Variants in FUZ observed in about 807,000 individuals in gnomAD.
FUZ encodes fuzzy planar cell polarity protein.
Under a neutral mutation model 43.1 loss-of-function variants are expected in FUZ, and 31 were observed. The observed-to-expected ratio is 0.72, with a 90% CI of 0.54 to 0.97. FUZ has a LOEUF of 0.97. FUZ is among the 50% of genes least tolerant of loss of function. The pLI, the probability that FUZ is intolerant of heterozygous loss-of-function variation, is 0.00. For missense variants in FUZ, 539 were observed against 543.8 expected (o/e 0.99, Z 0.09); for synonymous variants, 274 against 250.0 (o/e 1.10, Z -0.91).
intron 5 of FUZ, among the ~76,000 whole-genome samples, chr19:49,810,540 G>A (rs1232041883): frequency 2.0e-5 from 3 of 152,028 alleles, no homozygotes; most frequent in South Asian, 2.1e-4. Flanking sequence ...TGGGCCAGGC[G>A]TGGTGACCAG....
At chr19:49,811,176 AAAAAG>A (rs765191005) in intron 5 of FUZ, 182 bp downstream of exon 5, 14 of 669,494 alleles carry the variant, frequency 2.1e-5, no homozygotes, top group East Asian at 1.1e-4. Context: ...AAAGAAAAGA[AAAAAG>A]AAAAGAAAGA....
chr19:49,808,166 A>C, intron 10 of FUZ: 1 of 577,830 alleles, frequency 1.7e-6, no homozygotes. Context: ...GGCACTGGGA[A>C]GAGGTGAGGT....
In FUZ at chr19:49,807,042, G is replaced by GGA. The variant is rs756362543; in HGVS notation, c.*108_*109insTC. The GGA allele has an allele frequency of 2.0e-4, 148 of 755,200 alleles. No individual in the cohort carries two copies. The highest frequency in any genetic ancestry group is 2.5e-4 in the Non-Finnish European group (131 of 526,530). 46.8% of individuals were successfully genotyped at this position (755,200 alleles called of 1,614,324 possible). ...TCCTCCCCTCCCACCCCACCCTGTT[G>GGA]TAGCCCCTCCTACCCCCTCCCCATC... On this transcript the variant is annotated 3_prime_UTR_variant, in exon 11 of 11. Transcript: ENST00000313777.
chr19:49,808,538 C>T (rs1301787582), intron 9 of FUZ, 36 bp downstream of exon 9: 4 of 1,553,556 alleles, frequency 2.6e-6, no homozygotes, highest in African/African-American at 2.7e-5. Context: ...GGCCCACGCC[C>T]CTCCTACCCC....
At position 49,812,270 on chromosome 19, in the gene FUZ, T is replaced by A; in HGVS notation, c.299A>T (p.Gln100Leu). Residue 100 changes from glutamine to leucine, a missense_variant, in exon 3 of 11, where the codon CAA (glutamine) becomes CTA (leucine). Physicochemically the swap from Gln to Leu is moderately radical, Grantham distance 113 (BLOSUM62 -2). Transcript: ENST00000313777. ...ISELRLERLLQMVFGAMVLLV... is the reference protein window; with the variant it reads ...ISELRLERLLLMVFGAMVLLV... ...TCTCACCATGGCTCCAAACACCATT[T>A]GGAGTAGTCTCTCCAGCCTCAGCTC... 6.2e-7 allele frequency: 1 copy of A among 1,613,786 alleles called. No individual in the cohort carries two copies. Among genetic ancestry groups the A allele is most frequent in the Admixed American group, 1.7e-5 (1 of 60,004 alleles).
rs762129315 is a variant in FUZ, at chr19:49,813,049, C to G, written c.58G>C (p.Gly20Arg). 4 of 1,551,282 alleles carry G rather than the reference C, an allele frequency of 2.6e-6. No individual in the cohort carries two copies. In the South Asian group the frequency reaches 4.8e-5, roughly 18 times the overall value. ...VHLLCLAASS[G>R]VPLFCRSSRG... is the part of the protein sequence containing the mutation. Reference sequence around the variant, plus strand: ...CTGCTCCTGCAGAATAGGGGGACCCCGCTGGAGGCCGCGAGGCACAGCAGA... The same window carrying G: ...CTGCTCCTGCAGAATAGGGGGACCCGGCTGGAGGCCGCGAGGCACAGCAGA... Residue 20 changes from glycine to arginine, a missense_variant, in exon 1 of 11, where the codon GGG becomes CGG. Gly to Arg is a moderately radical substitution (Grantham distance 125). Transcript: ENST00000313777.
intron 1 of FUZ, 120 bp from the exon 2 acceptor site, chr19:49,812,856 G>A (rs2073857698): frequency 1.4e-6 from 2 of 1,435,432 alleles, no homozygotes; most frequent in African/African-American, 1.4e-5. Context: ...TGCCTCTTTG[G>A]GGAACCAGGC....
chr19:49,810,955 G>A, intron 5 of FUZ: 1 of 345,856 alleles, frequency 2.9e-6, no homozygotes, highest in South Asian at 2.3e-5. Flanking sequence ...TTCGAGACCA[G>A]CTTGGCCAAC....
chr19:49,813,265 C>T lies in FUZ; in HGVS notation c.-159G>A. Reference sequence around the variant, plus strand: ...AACTTCCCGCCTTCTTCACCCAACTCAAACAGACCCTCAAACCCTATTCAG... The same window carrying T: ...AACTTCCCGCCTTCTTCACCCAACTTAAACAGACCCTCAAACCCTATTCAG... On this transcript the variant is annotated 5_prime_UTR_variant, in exon 1 of 11. Transcript: ENST00000313777. 1.4e-6 allele frequency: 1 copy of T among 733,844 alleles called. No individual in the cohort carries two copies. The highest frequency in any genetic ancestry group is 2.4e-6 in the Non-Finnish European group (1 of 412,188). 45.5% of individuals were successfully genotyped at this position (733,844 alleles called of 1,614,324 possible).
rs1568612133 is a variant in FUZ, at chr19:49,813,118, A to T, written c.-12T>A. The T allele has an allele frequency of 6.5e-7, 1 of 1,547,762 alleles. No individual in the cohort carries two copies. The highest frequency in any genetic ancestry group is 1.2e-5 in the South Asian group (1 of 83,976). On this transcript the variant is annotated 5_prime_UTR_variant, in exon 1 of 11. Coordinates refer to ENST00000313777, the MANE Select transcript of FUZ (RefSeq NM_025129.5). The stretch of plus-strand genomic sequence containing the variant: ...CCCTCCTCCCCCATTTAGGACTCCC[A>T]CCGCGGTCCCTCACGTGGGGACTGT...
At chr19:49,808,540 T>TCCTACC (rs919575559) in intron 9 of FUZ, 34 bp downstream of exon 9, 3 of 1,505,760 alleles carry the variant, frequency 2.0e-6, no homozygotes, top group African/African-American at 1.4e-5. Flanking sequence ...CCCACGCCCC[T>TCCTACC]CCTACCCCTG....
chr19:49,812,021 T>A (rs1302791854), intron 3 of FUZ, among the ~76,000 whole-genome samples: 3 of 152,148 alleles, frequency 2.0e-5, no homozygotes, highest in Non-Finnish European at 2.9e-5. Flanking sequence ...GGCACGAGAA[T>A]CGCTTGAACC....
rs781092276 is a variant in FUZ, at chr19:49,811,369, G to A, written c.486C>T (p.Leu162=). 20 of 1,605,068 alleles carry A rather than the reference G, an allele frequency of 1.2e-5. No homozygotes were observed. The highest frequency in any genetic ancestry group is 1.6e-4 in the Middle Eastern group (1 of 6,072). ...TCCATAGCATCCCCAGTACCTGCAAGAGGGACCCCTCTGGAGGAATCACGC... is the reference window on the plus strand; with the variant it reads ...TCCATAGCATCCCCAGTACCTGCAAAAGGGACCCCTCTGGAGGAATCACGC... ...VDCVIPPEGS[L]LQEALSGFAE... Residue 162 remains leucine (L), a synonymous_variant, in exon 5 of 11, where the codon CTC becomes CTT. Coordinates refer to ENST00000313777, the MANE Select transcript of FUZ (RefSeq NM_025129.5).
At position 49,812,991 on chromosome 19, in the gene FUZ, C is replaced by A; in HGVS notation, c.111+5G>T. 6.5e-7 allele frequency: 1 copy of A among 1,550,252 alleles called. No individual in the cohort carries two copies. The highest frequency in any genetic ancestry group is 8.7e-7 in the Non-Finnish European group (1 of 1,146,260). On this transcript the variant is annotated splice_donor_5th_base_variant and intron_variant, in intron 1 of 10. Transcript: ENST00000313777. ...CGGTTTAGATACAGGCGTCCAAGGCCCCACCTGCTGACGGGCGGGGGCGCC... is the reference window on the plus strand; with the variant it reads ...CGGTTTAGATACAGGCGTCCAAGGCACCACCTGCTGACGGGCGGGGGCGCC...
intron 3 of FUZ, 25 bp downstream of exon 3, chr19:49,812,226 A>G (rs1324353669): frequency 6.4e-7 from 1 of 1,560,266 alleles, no homozygotes; most frequent in East Asian, 2.2e-5. Flanking sequence ...TGGTCTGGGG[A>G]GAAAAGAGGA....
intron 1 of FUZ, 61 bp from the exon 2 acceptor site, chr19:49,812,797 C>T: frequency 6.3e-7 from 1 of 1,596,480 alleles, no homozygotes; most frequent in Non-Finnish European, 8.5e-7. Context: ...CCCTTAGGAC[C>T]CAAGTGTGCC....
Position 49,809,029 on chromosome 19 carries a change from A to C in FUZ, c.786+134T>G. On this transcript the variant is annotated intron_variant, in intron 7 of 10. Coordinates refer to ENST00000313777, the MANE Select transcript of FUZ (RefSeq NM_025129.5). The surrounding 1 kb of genome is among the most constrained non-coding windows in gnomAD (Gnocchi z 5.1). ...GCGGGAGCGGCCGATCTTGGCGGGT[A>C]GGTGAATGACTGGAGCGCAGTCCAG... 1.0e-6 allele frequency: 1 copy of C among 957,032 alleles called. No homozygotes were observed. Among genetic ancestry groups the C allele is most frequent in the Non-Finnish European group, 1.6e-6 (1 of 613,350 alleles). The allele number at this position is 957,032 out of a possible 1,614,324, so 59.3% of individuals were successfully genotyped here. A position where few individuals can be genotyped will look rare whatever the true frequency, so the allele number is the denominator to read the frequency against.
Position 49,809,687 on chromosome 19 carries a change from C to T in FUZ, c.493-112G>A, listed in dbSNP as rs866674249. 39 of 1,093,274 alleles carry T rather than the reference C, an allele frequency of 3.6e-5. No homozygotes were observed. In the Middle Eastern group the frequency reaches 2.3e-3, roughly 63 times the overall value. 67.7% of individuals were successfully genotyped at this position (1,093,274 alleles called of 1,614,324 possible). On this transcript the variant is annotated intron_variant, in intron 5 of 10. Coordinates refer to ENST00000313777, the MANE Select transcript of FUZ (RefSeq NM_025129.5). The surrounding 1 kb of genome is among the most constrained non-coding windows in gnomAD (Gnocchi z 5.1). ...AAACCCACAGCCAGCCCCGAGCTCG[C>T]GCAGTGGCCATGCTCCTACGTCTCA...
intron 10 of FUZ, 74 bp from the exon 11 acceptor site, chr19:49,807,448 C>CATCTGAA: frequency 6.9e-7 from 1 of 1,452,190 alleles, no homozygotes; most frequent in Non-Finnish European, 9.5e-7. Context: ...CATCCTGATC[C>CATCTGAA]CAAGTTCTGA....
Sources: gnomAD v4.1 joint callset for allele counts (sites outside exome capture counted in the v4.1 genomes callset) on GRCh38, gnomAD v4.1.1 for gene constraint, Gnocchi (gnomAD v3.1) non-coding constraint, MANE v1.5 for transcripts, NCBI Gene and HGNC (gene_info 2026-07-23, HGNC 2026-07-21) for gene names.